ACACA: variants seen among roughly 807,000 people sequenced by gnomAD.
ACACA encodes the protein acetyl-CoA carboxylase 1.
In ACACA, 103 loss-of-function variants were observed where a neutral mutation model predicts 296.1. The observed-to-expected ratio is 0.35, with a 90% CI of 0.30 to 0.41. ACACA has a LOEUF of 0.41. Among genes scored for constraint, ACACA ranks in the 10% least tolerant of loss-of-function variants. The pLI is 1.00. For synonymous variants in ACACA, 953 were observed against 1,038.6 expected (o/e 0.92, Z 1.58); for missense variants, 1,554 against 2,989.7 (o/e 0.52, Z 11.20).
At chr17:37,353,738 A>T (rs2049010879) in intron 1 of ACACA, among the ~76,000 whole-genome samples, 2 of 151,926 alleles carry the variant, frequency 1.3e-5, no homozygotes, top group South Asian at 4.2e-4. Context: ...AATATTCATA[A>T]ATGAGGCCTT....
chr17:37,143,943 A>G (rs1055650112), intron 45 of ACACA: 13 of 1,083,526 alleles, frequency 1.2e-5, no homozygotes, highest in African/African-American at 9.3e-5. Flanking sequence ...TGGACAAGCC[A>G]GGATGTTCTC....
At chr17:37,121,794 GC>G (rs1361490554) in intron 49 of ACACA, among the ~76,000 whole-genome samples, 1 of 152,118 alleles carries the variant, frequency 6.6e-6, no homozygotes, top group African/African-American at 2.4e-5. Context: ...GCTCCATTGT[GC>G]TACTCTTTAA....
intron 42 of ACACA, among the ~76,000 whole-genome samples, chr17:37,158,772 C>A (rs968721605): frequency 2.6e-5 from 4 of 152,114 alleles, no homozygotes; most frequent in Non-Finnish European, 4.4e-5. Context: ...TGCCAAACCA[C>A]CAGGTGAGAG....
intron 29 of ACACA, among the ~76,000 whole-genome samples, chr17:37,213,391 T>C (rs1030549741): frequency 1.3e-5 from 2 of 149,636 alleles, no homozygotes; most frequent in Admixed American, 6.6e-5. Flanking sequence ...CAATCTTTGA[T>C]AAGGCAATCA....
At chr17:37,102,626 A>G (rs2073432109) in intron 52 of ACACA, among the ~76,000 whole-genome samples, 1 of 152,236 alleles carries the variant, frequency 6.6e-6, no homozygotes, top group Admixed American at 6.5e-5. Flanking sequence ...TGGCCACTAT[A>G]GGGAAACCAG....
chr17:37,200,097 T>G, intron 35 of ACACA, 42 bp downstream of exon 35: 1 of 1,465,512 alleles, frequency 6.8e-7, no homozygotes, highest in Non-Finnish European at 9.6e-7. Flanking sequence ...GGCAGACAAA[T>G]AAAACAGTAA....
intron 1 of ACACA, among the ~76,000 whole-genome samples, chr17:37,389,525 C>G (rs573336417): frequency 5.4e-4 from 82 of 152,112 alleles, no homozygotes; most frequent in Non-Finnish European, 9.1e-4. Context: ...AACCCTGTCT[C>G]TACTAAAAAT....
chr17:37,118,197 A>G (rs2074349956), intron 50 of ACACA, among the ~76,000 whole-genome samples: 1 of 152,188 alleles, frequency 6.6e-6, no homozygotes, highest in Non-Finnish European at 1.5e-5. Context: ...CACCAAAATT[A>G]AGACAGAACT....
At chr17:37,099,026 A>G (rs933443044) in intron 52 of ACACA, among the ~76,000 whole-genome samples, 3 of 152,236 alleles carry the variant, frequency 2.0e-5, no homozygotes, top group African/African-American at 7.2e-5. Flanking sequence ...TTTGTCACCA[A>G]AGCTGACAAA....
At position 37,262,944 on chromosome 17, in the gene ACACA, G is replaced by A. The variant is rs148693968; in HGVS notation, c.1329+741C>T. ...AGGGTTTCACCATATTGCCCAGGCC[G>A]GTCTCGAATTCCAGGGCTCAAGTGA... is the stretch of plus-strand genomic sequence containing the variant. On this transcript the variant is annotated intron_variant, in intron 11 of 55. Transcript: ENST00000616317. Among the ~76,000 whole-genome samples, 10 of 152,142 alleles carry A rather than the reference G, an allele frequency of 6.6e-5. No individual in the cohort carries two copies. In the East Asian group the frequency reaches 1.6e-3, roughly 24 times the overall value.
In ACACA at chr17:37,169,409, C is replaced by T. The variant is rs541608487; in HGVS notation, c.5080-7359G>A. Among the ~76,000 whole-genome samples, 4 of 152,310 alleles carry T rather than the reference C, an allele frequency of 2.6e-5. No individual in the cohort carries two copies. In the East Asian group the frequency reaches 7.7e-4, roughly 29 times the overall value. On this transcript the variant is annotated intron_variant, in intron 41 of 55. Transcript: ENST00000616317. ...AAACTAGATTGAAAAATGCTTCCCTCTGCCCTTGTTAGATTTAGGAAAAAT... is the reference window on the plus strand; with the variant it reads ...AAACTAGATTGAAAAATGCTTCCCTTTGCCCTTGTTAGATTTAGGAAAAAT...
At chr17:37,388,814 G>T in intron 1 of ACACA, 1 of 1,611,900 alleles carries the variant, frequency 6.2e-7, no homozygotes, top group South Asian at 1.1e-5. Flanking sequence ...CTGTTGTATT[G>T]AATCCTTGAA....
chr17:37,314,933 G>A (rs117636237), intron 3 of ACACA, among the ~76,000 whole-genome samples: 2,896 of 143,474 alleles, frequency 0.02, 54 homozygotes, highest in Non-Finnish European at 0.033. Context: ...ATGAGCTACC[G>A]CACCCGGCCA....
At position 37,297,777 on chromosome 17, in the gene ACACA, G is replaced by T. The variant is rs904834105; in HGVS notation, c.339-12807C>A. On this transcript the variant is annotated intron_variant, in intron 3 of 55. Transcript: ENST00000616317. Reference sequence around the variant, plus strand: ...TGTTGGCCAGGCTGGTCTCGTACTCGTGACCTCAGGTGATCCACCCGCCTT... The same window carrying T: ...TGTTGGCCAGGCTGGTCTCGTACTCTTGACCTCAGGTGATCCACCCGCCTT... Among the ~76,000 whole-genome samples the T allele has an allele frequency of 3.7e-4, 56 of 151,774 alleles. 1 individual carries two copies. Among genetic ancestry groups the T allele is most frequent in the African/African-American group, 1.3e-3 (55 of 41,330 alleles).
intron 1 of ACACA, among the ~76,000 whole-genome samples, chr17:37,352,969 G>C (rs1047341107): frequency 6.6e-6 from 1 of 152,152 alleles, no homozygotes; most frequent in African/African-American, 2.4e-5. Context: ...CAGTTGCCCC[G>C]TGATGCCTTA....
At chr17:37,179,445 A>C in intron 40 of ACACA, 39 bp from the exon 41 acceptor site, 1 of 1,606,440 alleles carries the variant, frequency 6.2e-7, no homozygotes. Flanking sequence ...AGTCACAATA[A>C]TTTCAATATA....
intron 45 of ACACA, among the ~76,000 whole-genome samples, chr17:37,145,928 T>A: frequency 6.6e-6 from 1 of 151,898 alleles, no homozygotes; most frequent in East Asian, 1.9e-4. Flanking sequence ...AAGACAGACA[T>A]GGAAAGAAGA....
intron 3 of ACACA, chr17:37,301,491 G>T: frequency 3.1e-6 from 2 of 639,846 alleles, no homozygotes; most frequent in Non-Finnish European, 3.9e-6. Context: ...TCGCTAGCTT[G>T]ACTGCAACAC....
rs985381979 is a variant in ACACA at position 37,381,862 on chromosome 17, T to C, written c.38+24400A>G. 1.0e-3 allele frequency among the ~76,000 whole-genome samples: 155 copies of C among 150,740 alleles called. 1 individual carries two copies. Among genetic ancestry groups the C allele is most frequent in the African/African-American group, 3.4e-3 (139 of 40,662 alleles). On this transcript the variant is annotated intron_variant, in intron 1 of 55. Coordinates refer to ENST00000616317, the MANE Select transcript of ACACA (RefSeq NM_198834.3). ...CAGGATGGTCTCGATCGCCTGACCT[T>C]GTGATCTGCCCGCCTTGGCCTCCCA...
Sources: allele counts gnomAD v4.1 joint callset (sites outside exome capture counted in the v4.1 genomes callset), GRCh38; gene constraint gnomAD v4.1.1; transcripts MANE v1.5; gene names NCBI Gene and HGNC (gene_info 2026-07-23, HGNC 2026-07-21).